Variants in FGF14 observed in about 807,000 individuals in gnomAD.
The protein encoded by FGF14 is fibroblast growth factor homologous factor 4.
Under a neutral mutation model 25.5 loss-of-function variants are expected in FGF14, and 5 were observed. The ratio of observed to expected loss-of-function variants is 0.20; its 90% CI spans 0.10 to 0.41. The LOEUF is 0.41. Ranked by LOEUF, FGF14 falls within the 10% of genes least tolerant of loss-of-function variation. The probability of loss-of-function intolerance (pLI) is 1.00; values close to 1 mark genes in which losing one functional copy is unlikely to be tolerated. For missense variants in FGF14, 222 were observed against 320.1 expected (o/e 0.69, Z 2.34); for synonymous variants, 138 against 118.3 (o/e 1.17, Z -1.08).
chr13:102,259,041 A>G (rs2141107280), intron 1 of FGF14, among the ~76,000 whole-genome samples: 1 of 152,286 alleles, frequency 6.6e-6, no homozygotes, highest in South Asian at 2.1e-4. Context: ...GTTAGAAATC[A>G]TCTCCTCATT....
chr13:102,222,600 C>G (rs1353053753), intron 1 of FGF14, among the ~76,000 whole-genome samples: 1 of 152,158 alleles, frequency 6.6e-6, no homozygotes, highest in East Asian at 1.9e-4. Context: ...CCTTGTACCT[C>G]CTTCCCACTG....
intron 1 of FGF14, among the ~76,000 whole-genome samples, chr13:102,381,049 A>C (rs2058172045): frequency 6.6e-6 from 1 of 152,226 alleles, no homozygotes; most frequent in East Asian, 1.9e-4. Context: ...GGGCAAAATC[A>C]TCTAACACAA....
At chr13:101,837,109 G>A (rs2042962014) in intron 3 of FGF14, among the ~76,000 whole-genome samples, 1 of 151,980 alleles carries the variant, frequency 6.6e-6, no homozygotes, top group Admixed American at 6.6e-5. Context: ...ATGAAACACT[G>A]GAGTTAGTTG....
At chr13:102,166,816 ATGT>A (rs930914810) in intron 1 of FGF14, among the ~76,000 whole-genome samples, 1 of 152,294 alleles carries the variant, frequency 6.6e-6, no homozygotes, top group South Asian at 2.1e-4. Context: ...GCTGAGGAAA[ATGT>A]TGTGACCGGA....
intron 1 of FGF14, among the ~76,000 whole-genome samples, chr13:101,944,708 A>G (rs1165778994): frequency 1.3e-5 from 2 of 152,226 alleles, no homozygotes; most frequent in South Asian, 2.1e-4. Context: ...TCAGCCCTAG[A>G]AAGAAAGGAA....
At chr13:102,014,413 C>T (rs1166273881) in intron 1 of FGF14, among the ~76,000 whole-genome samples, 6 of 151,854 alleles carry the variant, frequency 4.0e-5, no homozygotes, top group East Asian at 3.9e-4. Flanking sequence ...TAATAGTGCA[C>T]GGAAAAAGCT....
intron 3 of FGF14, among the ~76,000 whole-genome samples, chr13:101,752,947 AT>A (rs1350330963): frequency 6.6e-6 from 1 of 152,182 alleles, no homozygotes; most frequent in East Asian, 1.9e-4. Context: ...ACCTAGACTA[AT>A]CACTGGATAA....
At chr13:102,394,199 C>T (rs1001792997) in intron 1 of FGF14, among the ~76,000 whole-genome samples, 7 of 152,374 alleles carry the variant, frequency 4.6e-5, no homozygotes, top group Admixed American at 2.6e-4. Flanking sequence ...ACGCCAGCTC[C>T]CTTCCCTTTC....
At chr13:102,351,627 T>A (rs1047547069) in intron 1 of FGF14, among the ~76,000 whole-genome samples, 1 of 152,202 alleles carries the variant, frequency 6.6e-6, no homozygotes, top group Admixed American at 6.5e-5. Context: ...TGCAGTCTTC[T>A]CAAGGCTTCA....
chr13:102,007,895 G>A (rs1483483894), intron 1 of FGF14, among the ~76,000 whole-genome samples: 1 of 152,188 alleles, frequency 6.6e-6, no homozygotes, highest in Non-Finnish European at 1.5e-5. Context: ...TGGAGCAGAT[G>A]AAGAATAAAG....
chr13:102,086,474 G>A, intron 1 of FGF14, among the ~76,000 whole-genome samples: 1 of 152,060 alleles, frequency 6.6e-6, no homozygotes, highest in Non-Finnish European at 1.5e-5. Flanking sequence ...AGCTTGCAGT[G>A]AGCCGAGATC....
At chr13:102,255,158 G>T (rs1483047827) in intron 1 of FGF14, among the ~76,000 whole-genome samples, 1 of 152,156 alleles carries the variant, frequency 6.6e-6, no homozygotes, top group Non-Finnish European at 1.5e-5. Context: ...CTGAGTTCCA[G>T]AGATAGTAAA....
At chr13:101,912,497 T>C (rs555918312) in intron 1 of FGF14, among the ~76,000 whole-genome samples, 87 of 152,344 alleles carry the variant, frequency 5.7e-4, no homozygotes, top group African/African-American at 2.0e-3. Context: ...TTATACACCA[T>C]TGTAGTCAGT....
chr13:101,869,495 A>G (rs543324396), intron 2 of FGF14, among the ~76,000 whole-genome samples: 154 of 152,322 alleles, frequency 1.0e-3, no homozygotes, highest in African/African-American at 3.5e-3. Context: ...TAGCAACGTT[A>G]TAACATTAAA....
At chr13:102,298,160 C>T (rs1421661276) in intron 1 of FGF14, among the ~76,000 whole-genome samples, 3 of 152,046 alleles carry the variant, frequency 2.0e-5, no homozygotes, top group African/African-American at 4.8e-5. Flanking sequence ...ATGCCATAAA[C>T]GACTGGGGGA....
chr13:101,913,228 T>C (rs2033132426), intron 1 of FGF14, among the ~76,000 whole-genome samples: 1 of 152,152 alleles, frequency 6.6e-6, no homozygotes, highest in Admixed American at 6.6e-5. Context: ...ATATGACTAA[T>C]TTGCGGGGTG....
chr13:101,883,473 G>T (rs2045822163), intron 1 of FGF14, among the ~76,000 whole-genome samples: 1 of 152,134 alleles, frequency 6.6e-6, no homozygotes, highest in African/African-American at 2.4e-5. Flanking sequence ...AATCTACTTT[G>T]TTCCAAGCGT....
intron 1 of FGF14, among the ~76,000 whole-genome samples, chr13:101,946,498 C>A (rs939644011): frequency 6.6e-6 from 1 of 152,070 alleles, no homozygotes; most frequent in Middle Eastern, 3.2e-3. Flanking sequence ...GTAGTAACTC[C>A]AAAGGCAATG....
At chr13:101,981,305 C>T (rs1262990723) in intron 1 of FGF14, among the ~76,000 whole-genome samples, 4 of 151,980 alleles carry the variant, frequency 2.6e-5, no homozygotes, top group Non-Finnish European at 5.9e-5. Context: ...AAAGAGGCCC[C>T]AGTAAGCTGC....
Sources: gnomAD v4.1 joint callset for allele counts (sites outside exome capture counted in the v4.1 genomes callset) on GRCh38, gnomAD v4.1.1 for gene constraint, MANE v1.5 for transcripts, NCBI Gene and HGNC (gene_info 2026-07-23, HGNC 2026-07-21) for gene names.